The following MRGPRE variants were observed in gnomAD, a reference collection of about 807,000 sequenced individuals.
MRGPRE encodes MAS related GPR family member E, also known as mas-related G protein-coupled receptor member E.
For missense variants in MRGPRE, 466 were observed against 433.4 expected (o/e 1.08, Z -0.67); for synonymous variants, 229 against 206.7 (o/e 1.11, Z -0.92).
rs897601131 is a variant in MRGPRE at position 3,232,313 on chromosome 11, G to T, written c.-234C>A. 6.6e-6 allele frequency: 1 copy of T among 152,400 alleles called. No homozygotes were observed. The highest frequency in any genetic ancestry group is 2.4e-5 in the African/African-American group (1 of 41,448). 9.4% of individuals were successfully genotyped at this position (152,400 alleles called of 1,614,324 possible). A position where few individuals can be genotyped will look rare whatever the true frequency, so the allele number is the denominator to read the frequency against. The stretch of plus-strand genomic sequence containing the variant: ...AGCTGGAATGGGGCCGGTCAGGAAG[G>T]TGTCTCTCTGAGGACCCCTTCTCTT... On this transcript the variant is annotated 5_prime_UTR_variant, in exon 1 of 2. Transcript: ENST00000389832.
chr11:3,231,153 C>G lies in MRGPRE; in HGVS notation c.-62+988G>C, dbSNP rs1273035376. On this transcript the variant is annotated intron_variant, in intron 1 of 1. Coordinates refer to ENST00000389832, the MANE Select transcript of MRGPRE (RefSeq NM_001039165.4). The surrounding 1 kb of genome is among the most constrained non-coding windows in gnomAD (Gnocchi z 4.7). ...GGGGTTTCTCCAGCCTGTGGCCCAC[C>G]AAGGGCCATGGTCCCTCTCCTATCT... 6.6e-6 allele frequency among the ~76,000 whole-genome samples: 1 copy of G among 152,098 alleles called. No homozygotes were observed. Among genetic ancestry groups the G allele is most frequent in the African/African-American group, 2.4e-5 (1 of 41,406 alleles).
rs1847744658 is a variant in MRGPRE at position 3,225,103 on chromosome 11, G to A, written c.*2758C>T. Among the ~76,000 whole-genome samples the A allele has an allele frequency of 6.6e-6, 1 of 152,248 alleles. No individual in the cohort carries two copies. Among genetic ancestry groups the A allele is most frequent in the Non-Finnish European group, 1.5e-5 (1 of 68,048 alleles). ...AATGAACTAGCTGAGGAGTGAGCCT[G>A]CCTCTCCCCGTGAAGACGCCATGCA... On this transcript the variant is annotated 3_prime_UTR_variant, in exon 2 of 2. Coordinates refer to ENST00000389832, the MANE Select transcript of MRGPRE (RefSeq NM_001039165.4).
Position 3,228,956 on chromosome 11 carries a change from G to A in MRGPRE, c.-61-96C>T, listed in dbSNP as rs1372343296. On this transcript the variant is annotated intron_variant, in intron 1 of 1. Transcript: ENST00000389832. ...ATGAGAGTTGGGTGGGTGACCAAGG[G>A]AATGGTGAGACCCTCCAGGAGAAGA... 26 of 624,642 alleles carry A rather than the reference G, an allele frequency of 4.2e-5. No homozygotes were observed. The East Asian group carries it at 6.4e-4, about 15-fold the overall frequency. 38.7% of individuals were successfully genotyped at this position (624,642 alleles called of 1,614,324 possible).
At position 3,227,884 on chromosome 11, in the gene MRGPRE, C is replaced by T. The variant is rs767395723; in HGVS notation, c.916G>A (p.Gly306Ser). The change falls in exon 2 of 2, where the codon GGC becomes AGC. Residue 306 changes from glycine (G) to serine (S), a missense_variant. Coordinates refer to ENST00000389832, the MANE Select transcript of MRGPRE (RefSeq NM_001039165.4). ...GCTCAGGCTGCTATGTCCACCAGGC[C>T]CCGGCGGGAGGTCTCCCTGACGGCC... ...LGAVRETSRRGLVDIAA is the reference protein window; with the variant it reads ...LGAVRETSRRSLVDIAA 1.4e-5 allele frequency: 20 copies of T among 1,458,910 alleles called. No individual in the cohort carries two copies. The South Asian group carries it at 2.0e-4, about 15-fold the overall frequency. The allele number at this position is 1,458,910 out of a possible 1,614,324, so 90.4% of individuals were successfully genotyped here.
Position 3,228,418 on chromosome 11 carries a change from G to A in MRGPRE, c.382C>T (p.Pro128Ser). 6.2e-7 allele frequency: 1 copy of A among 1,608,366 alleles called. No homozygotes were observed. Among genetic ancestry groups the A allele is most frequent in the Non-Finnish European group, 8.5e-7 (1 of 1,178,560 alleles). ...SVEQCLAALF[P>S]AWYSCRRPRH... Reference sequence around the variant, plus strand: ...GGGCGGCGGCACGAGTACCAGGCTGGGAAGAGGGCGGCCAGGCACTGCTCC... The same window carrying A: ...GGGCGGCGGCACGAGTACCAGGCTGAGAAGAGGGCGGCCAGGCACTGCTCC... Residue 128 changes from proline to serine, a missense_variant, in exon 2 of 2, where the codon CCA (proline) becomes TCA (serine). By Grantham distance (74) the Pro-to-Ser change is moderately conservative. Coordinates refer to ENST00000389832, the MANE Select transcript of MRGPRE (RefSeq NM_001039165.4).
At position 3,229,698 on chromosome 11, in the gene MRGPRE, G is replaced by C. The variant is rs1427355772; in HGVS notation, c.-61-838C>G. On this transcript the variant is annotated intron_variant, in intron 1 of 1. Transcript: ENST00000389832. The surrounding 1 kb of genome is among the most constrained non-coding windows in gnomAD (Gnocchi z 4.4). ...TCCCAGTCCCCAGCCCTCCAGCTTG[G>C]TCACACCATGCAGCCACATCAGGGC... Among the ~76,000 whole-genome samples the C allele has an allele frequency of 1.3e-5, 2 of 152,140 alleles. No homozygotes were observed. The highest frequency in any genetic ancestry group is 2.9e-5 in the Non-Finnish European group (2 of 68,020).
rs374826679 is a variant in MRGPRE at position 3,230,702 on chromosome 11, C to G, written c.-62+1439G>C. On this transcript the variant is annotated intron_variant, in intron 1 of 1. Coordinates refer to ENST00000389832, the MANE Select transcript of MRGPRE (RefSeq NM_001039165.4). This position sits in a 1 kb window ranked among gnomAD's most constrained non-coding sequence, Gnocchi z 5.5. ...GCACCTCAGGAAGCTGAGTCCTGCC[C>G]GTGGTCCAGTCTGAATCTCCTGCGG... Among the ~76,000 whole-genome samples the G allele has an allele frequency of 6.6e-6, 1 of 152,070 alleles. No individual in the cohort carries two copies. The highest frequency in any genetic ancestry group is 1.5e-5 in the Non-Finnish European group (1 of 68,004).
chr11:3,229,043 G>A lies in MRGPRE; in HGVS notation c.-61-183C>T, dbSNP rs1017100414. On this transcript the variant is annotated intron_variant, in intron 1 of 1. Transcript: ENST00000389832. The surrounding 1 kb of genome is among the most constrained non-coding windows in gnomAD (Gnocchi z 4.4). ...AGCTTCTCTTCCCTAAGACACTCAG[G>A]AGGAAGGTGTCCCCATTCCTCCCCT... 6.6e-6 allele frequency among the ~76,000 whole-genome samples: 1 copy of A among 152,010 alleles called. No homozygotes were observed. Among genetic ancestry groups the A allele is most frequent in the Admixed American group, 6.5e-5 (1 of 15,268 alleles).
At position 3,229,283 on chromosome 11, in the gene MRGPRE, T is replaced by G. The variant is rs941026823; in HGVS notation, c.-61-423A>C. Among the ~76,000 whole-genome samples, 3 of 141,934 alleles carry G rather than the reference T, an allele frequency of 2.1e-5. No individual in the cohort carries two copies. Among genetic ancestry groups the G allele is most frequent in the Non-Finnish European group, 4.5e-5 (3 of 66,404 alleles). 93.1% of individuals were successfully genotyped at this position (141,934 alleles called of 152,430 possible). A position where few individuals can be genotyped will look rare whatever the true frequency, so the allele number is the denominator to read the frequency against. On this transcript the variant is annotated intron_variant, in intron 1 of 1. Coordinates refer to ENST00000389832, the MANE Select transcript of MRGPRE (RefSeq NM_001039165.4). The surrounding 1 kb of genome is among the most constrained non-coding windows in gnomAD (Gnocchi z 4.4). Reference sequence around the variant, plus strand: ...TCTGTTGCCCCAGGCTAGAGTGCAATGGCACCATCTCGGCTCACTGCAACC... The same window carrying G: ...TCTGTTGCCCCAGGCTAGAGTGCAAGGGCACCATCTCGGCTCACTGCAACC...
Position 3,228,535 on chromosome 11 carries a change from G to A in MRGPRE, c.265C>T (p.Leu89=), listed in dbSNP as rs1234131975. The A allele has an allele frequency of 1.9e-6, 3 of 1,613,654 alleles. No individual in the cohort carries two copies. The highest frequency in any genetic ancestry group is 1.3e-5 in the African/African-American group (1 of 74,946). ...GTCTGCACGAAGCCCGGGAAGTCCAGCCGGCCTTGCAGCAAGTCGGGGACG... is the reference window on the plus strand; with the variant it reads ...GTCTGCACGAAGCCCGGGAAGTCCAACCGGCCTTGCAGCAAGTCGGGGACG... ...AIVPDLLQGR[L]DFPGFVQTSL... Residue 89 remains leucine, a synonymous_variant, in exon 2 of 2, where the codon CTG becomes TTG. Coordinates refer to ENST00000389832, the MANE Select transcript of MRGPRE (RefSeq NM_001039165.4).
Position 3,230,181 on chromosome 11 carries a change from G to A in MRGPRE, c.-61-1321C>T, listed in dbSNP as rs1847814332. On this transcript the variant is annotated intron_variant, in intron 1 of 1. Coordinates refer to ENST00000389832, the MANE Select transcript of MRGPRE (RefSeq NM_001039165.4). The surrounding 1 kb of genome is among the most constrained non-coding windows in gnomAD (Gnocchi z 5.5). The stretch of plus-strand genomic sequence containing the variant: ...TGTCTCTGAGTGCTTGGTGACCCCA[G>A]CTTCTCCTCTTGGGGTTGGGGGAGA... Among the ~76,000 whole-genome samples the A allele has an allele frequency of 6.6e-6, 1 of 152,054 alleles. No individual in the cohort carries two copies. The highest frequency in any genetic ancestry group is 2.1e-4 in the South Asian group (1 of 4,820).
At position 3,227,794 on chromosome 11, in the gene MRGPRE, C is replaced by G; in HGVS notation, c.*67G>C. The G allele has an allele frequency of 1.5e-6, 2 of 1,326,824 alleles. No homozygotes were observed. The highest frequency in any genetic ancestry group is 2.0e-6 in the Non-Finnish European group (2 of 1,005,386). The allele number at this position is 1,326,824 out of a possible 1,614,324, so 82.2% of individuals were successfully genotyped here. A position where few individuals can be genotyped will look rare whatever the true frequency, so the allele number is the denominator to read the frequency against. On this transcript the variant is annotated 3_prime_UTR_variant, in exon 2 of 2. Transcript: ENST00000389832. ...GTCCGGCTGGCCCCAGCCTCTGACC[C>G]CACCACCTTCCCCAAGTCACCCTCT...
rs923815232 is a variant in MRGPRE, at chr11:3,226,641, T to C, written c.*1220A>G. Among the ~76,000 whole-genome samples the C allele has an allele frequency of 2.0e-5, 3 of 152,200 alleles. No homozygotes were observed. Among genetic ancestry groups the C allele is most frequent in the Non-Finnish European group, 4.4e-5 (3 of 68,036 alleles). On this transcript the variant is annotated 3_prime_UTR_variant, in exon 2 of 2. Transcript: ENST00000389832. ...GTTCAGTCATGGTCCAGAGGGAATGTCCTTCCATCACCAGCCATGGAGGCC... is the reference window on the plus strand; with the variant it reads ...GTTCAGTCATGGTCCAGAGGGAATGCCCTTCCATCACCAGCCATGGAGGCC...
rs1847826736 is a variant in MRGPRE, at chr11:3,231,276, T to G, written c.-62+865A>C. Among the ~76,000 whole-genome samples the G allele has an allele frequency of 4.1e-5, 6 of 146,566 alleles. No individual in the cohort carries two copies. In the East Asian group the frequency reaches 6.1e-4, roughly 15 times the overall value. ...ATGGACATAGAGGGAGAGGGGAGAG[T>G]GCAGGAAGGGGAGAGGCATGAAGAG... is the stretch of plus-strand genomic sequence containing the variant. On this transcript the variant is annotated intron_variant, in intron 1 of 1. Transcript: ENST00000389832. The surrounding 1 kb of genome is among the most constrained non-coding windows in gnomAD (Gnocchi z 4.7).
In MRGPRE at chr11:3,227,858, G is replaced by A; in HGVS notation, c.*3C>T. On this transcript the variant is annotated 3_prime_UTR_variant, in exon 2 of 2. Transcript: ENST00000389832. ...CTGCAGCTGGGGTCGGGGGCCCCAG[G>A]GCTCAGGCTGCTATGTCCACCAGGC... The A allele has an allele frequency of 4.2e-6, 6 of 1,438,728 alleles. No homozygotes were observed. Among genetic ancestry groups the A allele is most frequent in the Non-Finnish European group, 5.5e-6 (6 of 1,096,048 alleles). 89.1% of individuals were successfully genotyped at this position (1,438,728 alleles called of 1,614,324 possible). A position where few individuals can be genotyped will look rare whatever the true frequency, so the allele number is the denominator to read the frequency against.
rs1001402656 is a variant in MRGPRE at position 3,227,843 on chromosome 11, G to A, written c.*18C>T. On this transcript the variant is annotated 3_prime_UTR_variant, in exon 2 of 2. Transcript: ENST00000389832. Reference sequence around the variant, plus strand: ...CTTGCCTCACGGGGGCTGCAGCTGGGGTCGGGGGCCCCAGGGCTCAGGCTG... The same window carrying A: ...CTTGCCTCACGGGGGCTGCAGCTGGAGTCGGGGGCCCCAGGGCTCAGGCTG... 1.3e-5 allele frequency: 19 copies of A among 1,432,634 alleles called. No individual in the cohort carries two copies. Among genetic ancestry groups the A allele is most frequent in the South Asian group, 1.5e-5 (1 of 66,192 alleles). 88.7% of individuals were successfully genotyped at this position (1,432,634 alleles called of 1,614,324 possible). A position where few individuals can be genotyped will look rare whatever the true frequency, so the allele number is the denominator to read the frequency against.
In MRGPRE at chr11:3,225,829, G is replaced by T. The variant is rs1218374538; in HGVS notation, c.*2032C>A. ...GGACTCCTCGAGAAGGGGCTAATAA[G>T]GAGGAATCTAGAGCCACTCCAATCC... On this transcript the variant is annotated 3_prime_UTR_variant, in exon 2 of 2. Coordinates refer to ENST00000389832, the MANE Select transcript of MRGPRE (RefSeq NM_001039165.4). Among the ~76,000 whole-genome samples, 1 of 152,240 alleles carries T rather than the reference G, an allele frequency of 6.6e-6. No individual in the cohort carries two copies. Among genetic ancestry groups the T allele is most frequent in the Non-Finnish European group, 1.5e-5 (1 of 68,032 alleles).
chr11:3,227,282 A>G lies in MRGPRE; in HGVS notation c.*579T>C, dbSNP rs939608153. On this transcript the variant is annotated 3_prime_UTR_variant, in exon 2 of 2. Transcript: ENST00000389832. ...GTTGCATCGTCCCGGTCTGAGGTGC[A>G]CGGCCTTGAGCAACTGGCTGATGAT... Among the ~76,000 whole-genome samples the G allele has an allele frequency of 6.6e-6, 1 of 152,122 alleles. No homozygotes were observed. Among genetic ancestry groups the G allele is most frequent in the African/African-American group, 2.4e-5 (1 of 41,414 alleles).
At position 3,226,204 on chromosome 11, in the gene MRGPRE, G is replaced by A. The variant is rs968846209; in HGVS notation, c.*1657C>T. ...CACGGTGAGGTCATGTCCGTGAGAT[G>A]AATCTGTGCTTTTCCTCCTGGTTCT... On this transcript the variant is annotated 3_prime_UTR_variant, in exon 2 of 2. Transcript: ENST00000389832. 2.6e-5 allele frequency: 4 copies of A among 152,300 alleles called. No individual in the cohort carries two copies. Among genetic ancestry groups the A allele is most frequent in the Admixed American group, 2.0e-4 (3 of 15,292 alleles). The allele number at this position is 152,300 out of a possible 1,614,324, so 9.4% of individuals were successfully genotyped here.
Sources: gnomAD v4.1 joint callset for allele counts (sites outside exome capture counted in the v4.1 genomes callset) on GRCh38, gnomAD v4.1.1 for gene constraint, Gnocchi (gnomAD v3.1) non-coding constraint, MANE v1.5 for transcripts, NCBI Gene and HGNC (gene_info 2026-07-23, HGNC 2026-07-21) for gene names.